The following KCNQ2 variants were observed in gnomAD, a reference collection of about 807,000 sequenced individuals.
The protein encoded by KCNQ2 is potassium voltage-gated channel subfamily KQT member 2.
KCNQ2 carries 14 observed loss-of-function variants against 84.8 expected under a neutral mutation model. The ratio of observed to expected loss-of-function variants is 0.17; its 90% CI spans 0.11 to 0.26. The LOEUF is 0.26. Among genes scored for constraint, KCNQ2 ranks in the 10% least tolerant of loss-of-function variants. The pLI, the probability that KCNQ2 is intolerant of heterozygous loss-of-function variation, is 1.00. For missense variants in KCNQ2, 788 were observed against 1,254.0 expected, an observed-to-expected ratio of 0.63 and a Z score of 5.61; for synonymous variants, 599 against 554.1, an observed-to-expected ratio of 1.08 and a Z score of -1.14.
intron 5 of KCNQ2, among the ~76,000 whole-genome samples, chr20:63,440,106 G>A (rs982301136): frequency 6.6e-6 from 1 of 152,226 alleles, no homozygotes; most frequent in Non-Finnish European, 1.5e-5. Flanking sequence ...GGGGCTCGCT[G>A]AGCCTGAGCT....
chr20:63,412,141 G>A, intron 15 of KCNQ2: 1 of 471,738 alleles, frequency 2.1e-6, no homozygotes, highest in Non-Finnish European at 3.8e-6. Flanking sequence ...ACGTCCCAGA[G>A]CGTGGAGTGC....
At chr20:63,413,349 C>CG (rs2080181367) in intron 15 of KCNQ2, 101 bp downstream of exon 15, 1 of 1,456,046 alleles carries the variant, frequency 6.9e-7, no homozygotes, top group African/African-American at 1.4e-5. Flanking sequence ...GGAGGCCCCG[C>CG]CCACACACCC....
chr20:63,462,608 G>A (rs111999902), intron 1 of KCNQ2, among the ~76,000 whole-genome samples: 53 of 152,360 alleles, frequency 3.5e-4, no homozygotes, highest in Middle Eastern at 3.4e-3. Context: ...AAACTTCTCT[G>A]CATATTTGGT....
intron 9 of KCNQ2, among the ~76,000 whole-genome samples, chr20:63,428,830 G>C (rs2080710250): frequency 6.6e-6 from 1 of 152,014 alleles, no homozygotes; most frequent in South Asian, 2.1e-4. Context: ...AATATATTTA[G>C]GGCCCCGGCC....
chr20:63,456,966 G>A (rs751082911), intron 1 of KCNQ2, among the ~76,000 whole-genome samples: 2 of 152,200 alleles, frequency 1.3e-5, no homozygotes, highest in African/African-American at 2.4e-5. Context: ...AGGACTGCTC[G>A]AGCCTCCCTG....
In KCNQ2 at chr20:63,402,290, CT is replaced by C. The variant is rs1378732916; in HGVS notation, c.*4353del. The C allele has an allele frequency of 6.8e-5, 12 of 176,328 alleles. No individual in the cohort carries two copies. In the South Asian group the frequency reaches 7.2e-4, roughly 11 times the overall value. 10.9% of individuals were successfully genotyped at this position (176,328 alleles called of 1,614,324 possible). ...GCTTTGTGAACCGTCCCTCTCACGTCTGCTTTGAGGGTTTGTGTCAATGGGG... is the reference window on the plus strand; with the variant it reads ...GCTTTGTGAACCGTCCCTCTCACGTCGCTTTGAGGGTTTGTGTCAATGGGG... On this transcript the variant is annotated 3_prime_UTR_variant, in exon 17 of 17. Coordinates refer to ENST00000359125, the MANE Select transcript of KCNQ2 (RefSeq NM_172107.4).
At chr20:63,416,297 C>T (rs2080293777) in intron 12 of KCNQ2, among the ~76,000 whole-genome samples, 1 of 152,206 alleles carries the variant, frequency 6.6e-6, no homozygotes, top group Non-Finnish European at 1.5e-5. Context: ...GCCTGCCTTG[C>T]CCCCGAGTTT....
At chr20:63,431,471 G>A (rs1223493971) in intron 8 of KCNQ2, 102 bp from the exon 9 acceptor site, 3 of 1,307,340 alleles carry the variant, frequency 2.3e-6, no homozygotes, top group Admixed American at 3.4e-5. Flanking sequence ...GAAAGTAGGG[G>A]AAACAACAGA....
At chr20:63,413,064 C>T (rs925044501) in intron 15 of KCNQ2, among the ~76,000 whole-genome samples, 2 of 152,162 alleles carry the variant, frequency 1.3e-5, no homozygotes, top group Non-Finnish European at 2.9e-5. Context: ...CATGTGTACA[C>T]ACATGTATGC....
chr20:63,408,844 C>T lies in KCNQ2; in HGVS notation c.1764-308G>A, dbSNP rs763775269. ...GGCTCCTCTCCGTGGGCTCCCGGCT[C>T]CATACCGCCCCCTCCAGCCAGCCCC... is the stretch of plus-strand genomic sequence containing the variant. On this transcript the variant is annotated intron_variant, in intron 15 of 16. Transcript: ENST00000359125. The surrounding 1 kb of genome is among the most constrained non-coding windows in gnomAD (Gnocchi z 5.0). Among the ~76,000 whole-genome samples the T allele has an allele frequency of 6.6e-6, 1 of 152,172 alleles. No homozygotes were observed. Among genetic ancestry groups the T allele is most frequent in the Non-Finnish European group, 1.5e-5 (1 of 68,024 alleles).
intron 1 of KCNQ2, among the ~76,000 whole-genome samples, chr20:63,452,667 C>T (rs1214072639): frequency 1.3e-5 from 2 of 152,228 alleles, no homozygotes; most frequent in East Asian, 3.9e-4. Flanking sequence ...GCTGATTCAG[C>T]GGTGCAGGCA....
intron 12 of KCNQ2, among the ~76,000 whole-genome samples, chr20:63,419,150 G>A (rs762672131): frequency 5.3e-5 from 8 of 152,216 alleles, no homozygotes; most frequent in African/African-American, 1.9e-4. Flanking sequence ...AGGGAGCCGC[G>A]GGCCTCTGGC....
At chr20:63,418,368 A>G (rs944831683) in intron 12 of KCNQ2, among the ~76,000 whole-genome samples, 2 of 152,164 alleles carry the variant, frequency 1.3e-5, no homozygotes, top group Non-Finnish European at 2.9e-5. Flanking sequence ...CTCCCTCCCA[A>G]TGGTGAAATT....
At chr20:63,429,276 G>A (rs1358620448) in intron 9 of KCNQ2, among the ~76,000 whole-genome samples, 2 of 112,214 alleles carry the variant, frequency 1.8e-5, no homozygotes, top group South Asian at 3.3e-4. Flanking sequence ...TCCCCCACCC[G>A]GCTCCCTGAC....
At chr20:63,441,331 T>C (rs550039819) in intron 5 of KCNQ2, among the ~76,000 whole-genome samples, 2 of 151,596 alleles carry the variant, frequency 1.3e-5, no homozygotes, top group Non-Finnish European at 2.9e-5. Context: ...CATCCCTATT[T>C]GCTATTTAAG....
At chr20:63,419,801 G>A in intron 11 of KCNQ2, 129 bp from the exon 12 acceptor site, 1 of 805,314 alleles carries the variant, frequency 1.2e-6, no homozygotes, top group Non-Finnish European at 2.1e-6. Context: ...TTGCGCCCAA[G>A]CAAGGCCAGC....
At position 63,408,304 on chromosome 20, in the gene KCNQ2, C is replaced by G. The variant is rs1343317849; in HGVS notation, c.1887+109G>C. 2 of 1,401,344 alleles carry G rather than the reference C, an allele frequency of 1.4e-6. No homozygotes were observed. The highest frequency in any genetic ancestry group is 2.0e-6 in the Non-Finnish European group (2 of 1,018,980). 86.8% of individuals were successfully genotyped at this position (1,401,344 alleles called of 1,614,324 possible). On this transcript the variant is annotated intron_variant, in intron 16 of 16. Transcript: ENST00000359125. The surrounding 1 kb of genome is among the most constrained non-coding windows in gnomAD (Gnocchi z 5.0). ...GTGACAGGGCCATGTAAACCCTAGA[C>G]TTGAGGAGCCCTCCGTGGCACCCAG...
intron 7 of KCNQ2, among the ~76,000 whole-genome samples, chr20:63,436,078 T>TA (rs1346474604): frequency 6.6e-6 from 1 of 151,904 alleles, no homozygotes; most frequent in Non-Finnish European, 1.5e-5. Flanking sequence ...TATATAAACT[T>TA]AGTTGATACA....
rs372017943 is a variant in KCNQ2, at chr20:63,454,628, A to G, written c.297-7791T>C. On this transcript the variant is annotated intron_variant, in intron 1 of 16. Transcript: ENST00000359125. Reference sequence around the variant, plus strand: ...CAGGGGCTTCCAGGCCTCCGCCTACAAACCGTGGTGTCCCCAAGACATCCA... The same window carrying G: ...CAGGGGCTTCCAGGCCTCCGCCTACGAACCGTGGTGTCCCCAAGACATCCA... Among the ~76,000 whole-genome samples, 34 of 152,362 alleles carry G rather than the reference A, an allele frequency of 2.2e-4. No homozygotes were observed. The East Asian group carries it at 6.2e-3, about 28-fold the overall frequency.
Sources: allele counts gnomAD v4.1 joint callset (sites outside exome capture counted in the v4.1 genomes callset), GRCh38; gene constraint gnomAD v4.1.1; non-coding constraint Gnocchi (gnomAD v3.1); transcripts MANE v1.5; gene names NCBI Gene and HGNC (gene_info 2026-07-23, HGNC 2026-07-21).